The following ANO1 variants were observed in gnomAD, a reference collection of about 807,000 sequenced individuals.
ANO1 encodes the protein anoctamin 1, also known as anoctamin-1.
ANO1 carries 59 observed loss-of-function variants against 124.0 expected under a neutral mutation model. The ratio of observed to expected loss-of-function variants is 0.48; its 90% CI spans 0.39 to 0.59. The LOEUF (loss-of-function observed/expected upper bound fraction) is 0.59. Among genes scored for constraint, ANO1 ranks in the 20% least tolerant of loss-of-function variants. The pLI is 0.00. For missense variants in ANO1, 1,059 were observed against 1,328.0 expected, an observed-to-expected ratio of 0.80 and a Z score of 3.15; for synonymous variants, 529 against 532.0, an observed-to-expected ratio of 0.99 and a Z score of 0.08.
chr11:69,972,139 A>T, the ANO1 span, among the ~76,000 whole-genome samples: 3 of 150,534 alleles, frequency 2.0e-5, no homozygotes, highest in Admixed American at 6.7e-5. Context: ...GTGAGCCAAG[A>T]TCATGCTACT....
At chr11:69,984,718 C>T (rs1554996674), upstream of ANO1, among the ~76,000 whole-genome samples, 2 of 152,146 alleles carry the variant, frequency 1.3e-5, no homozygotes, top group African/African-American at 2.4e-5. Flanking sequence ...TCCCTCAGGG[C>T]CCAGCCAAAG....
chr11:70,157,428 C>T (rs149506487), intron 16 of ANO1, among the ~76,000 whole-genome samples: 14 of 151,006 alleles, frequency 9.3e-5, no homozygotes, highest in Non-Finnish European at 1.6e-4. Flanking sequence ...GCCTTTCACA[C>T]GGTGGTGCCA....
chr11:70,102,923 T>A (rs1026645004), intron 2 of ANO1, 143 bp from the exon 3 acceptor site: 11 of 623,998 alleles, frequency 1.8e-5, no homozygotes, highest in Middle Eastern at 4.2e-4. Context: ...CCTCAAAGTG[T>A]TGTCAACGTG....
chr11:70,085,902 G>A (rs2044356512), intron 1 of ANO1, among the ~76,000 whole-genome samples: 1 of 152,268 alleles, frequency 6.6e-6, no homozygotes, highest in South Asian at 2.1e-4. Flanking sequence ...CCAGTGCACA[G>A]CCATTTAGAG....
At chr11:69,988,965 T>G in intron 1 of ANO1, among the ~76,000 whole-genome samples, 1 of 134,384 alleles carries the variant, frequency 7.4e-6, no homozygotes, top group Non-Finnish European at 1.6e-5. Context: ...AGGAAGGAAA[T>G]AGACAGGGAA....
intron 1 of ANO1, chr11:70,018,460 C>T (rs1280870968): frequency 2.0e-5 from 3 of 152,170 alleles, no homozygotes; most frequent in East Asian, 3.9e-4. Context: ...TCCTAGCTCT[C>T]AAGCCGTGAG....
chr11:69,993,790 C>T (rs1395745897), intron 1 of ANO1, among the ~76,000 whole-genome samples: 1 of 152,252 alleles, frequency 6.6e-6, no homozygotes, highest in African/African-American at 2.4e-5. Context: ...GCAGGCGGGG[C>T]TCACCTGCCT....
At chr11:70,079,788 C>T (rs970344030) in intron 1 of ANO1, among the ~76,000 whole-genome samples, 5 of 152,204 alleles carry the variant, frequency 3.3e-5, no homozygotes, top group African/African-American at 7.2e-5. Context: ...GGGAATGAAG[C>T]GGGAGCAAAG....
At chr11:69,979,308 A>T in the ANO1 span, among the ~76,000 whole-genome samples, 1 of 152,252 alleles carries the variant, frequency 6.6e-6, no homozygotes, top group South Asian at 2.1e-4. Context: ...CCAATTCCAA[A>T]TTCCAGAGAG....
chr11:70,044,290 T>A (rs145267705), intron 1 of ANO1, among the ~76,000 whole-genome samples: 1 of 152,216 alleles, frequency 6.6e-6, no homozygotes, highest in Non-Finnish European at 1.5e-5. Context: ...ATATTATATA[T>A]CAAAATGGTA....
intron 3 of ANO1, among the ~76,000 whole-genome samples, chr11:70,103,503 C>T (rs1040719254): frequency 1.3e-5 from 2 of 152,106 alleles, no homozygotes; most frequent in African/African-American, 4.8e-5. Context: ...GTGGTGCTTT[C>T]GTGTTTGTGG....
Position 70,078,601 on chromosome 11 carries a change from GC to G in ANO1, c.-4del. The G allele has an allele frequency of 6.8e-7, 1 of 1,476,804 alleles. No individual in the cohort carries two copies. The allele number at this position is 1,476,804 out of a possible 1,614,324, so 91.5% of individuals were successfully genotyped here. The stretch of plus-strand genomic sequence containing the variant: ...GCCCGGCGGTCCCAGCGCACAGGCG[GC>G]CACGATGAGGGTCAACGAGAAGTAC... On this transcript the variant is annotated 5_prime_UTR_variant, in exon 1 of 26. Coordinates refer to ENST00000355303, the MANE Select transcript of ANO1 (RefSeq NM_018043.7).
rs990075634 is a variant in ANO1 at position 70,126,328 on chromosome 11, C to T, written c.1097+133C>T. Reference sequence around the variant, plus strand: ...ACACATGAAACCTCACGCCAAGCCACGAGCCGTCAGGAGGAAAGGACATGG... The same window carrying T: ...ACACATGAAACCTCACGCCAAGCCATGAGCCGTCAGGAGGAAAGGACATGG... On this transcript the variant is annotated intron_variant, in intron 10 of 25. Transcript: ENST00000355303. 2.9e-5 allele frequency: 35 copies of T among 1,190,844 alleles called. No individual in the cohort carries two copies. In the Admixed American group the frequency reaches 8.1e-4, roughly 28 times the overall value. 73.8% of individuals were successfully genotyped at this position (1,190,844 alleles called of 1,614,324 possible). A position where few individuals can be genotyped will look rare whatever the true frequency, so the allele number is the denominator to read the frequency against.
chr11:69,982,257 T>A (rs969815640), upstream of ANO1, among the ~76,000 whole-genome samples: 1 of 152,196 alleles, frequency 6.6e-6, no homozygotes, highest in Non-Finnish European at 1.5e-5. Flanking sequence ...GGGCCCCCGT[T>A]ACTCGCCAGA....
intron 1 of ANO1, among the ~76,000 whole-genome samples, chr11:70,008,976 G>C (rs1856543349): frequency 6.6e-6 from 1 of 152,160 alleles, no homozygotes; most frequent in Non-Finnish European, 1.5e-5. Context: ...AGTGGGATGA[G>C]CGTGGCCCAG....
chr11:70,029,593 C>T (rs1856965818), intron 1 of ANO1, among the ~76,000 whole-genome samples: 1 of 152,256 alleles, frequency 6.6e-6, no homozygotes, highest in Non-Finnish European at 1.5e-5. Context: ...GGCCACGGCA[C>T]AGGCCTCTGA....
intron 21 of ANO1, among the ~76,000 whole-genome samples, chr11:70,167,713 C>T (rs1245447390): frequency 6.8e-6 from 1 of 146,632 alleles, no homozygotes; most frequent in African/African-American, 2.8e-5. Flanking sequence ...TCCCCAGGCA[C>T]GGTCCCCAGG....
chr11:70,126,082 C>A lies in ANO1; in HGVS notation c.984C>A (p.Ile328=). The A allele has an allele frequency of 6.2e-7, 1 of 1,610,280 alleles. No homozygotes were observed. The highest frequency in any genetic ancestry group is 8.5e-7 in the Non-Finnish European group (1 of 1,178,164). The part of the protein sequence containing the change: ...DLVRKYFGEK[I]GLYFAWLGVY... ...GTAGGAAGTATTTTGGGGAGAAGAT[C>A]GGCCTGTACTTCGCCTGGCTGGGCG... is the stretch of plus-strand genomic sequence containing the variant. The change falls in exon 10 of 26, where the codon ATC becomes ATA. Residue 328 remains isoleucine, a synonymous_variant. Transcript: ENST00000355303.
chr11:70,087,433 G>T (rs1050761605), intron 1 of ANO1, among the ~76,000 whole-genome samples: 6 of 152,178 alleles, frequency 3.9e-5, no homozygotes, highest in African/African-American at 7.2e-5. Context: ...AAGCAGCCAG[G>T]GAGGTTCCTG....
Sources: allele counts gnomAD v4.1 joint callset (sites outside exome capture counted in the v4.1 genomes callset), GRCh38; gene constraint gnomAD v4.1.1; transcripts MANE v1.5; gene names NCBI Gene and HGNC (gene_info 2026-07-23, HGNC 2026-07-21).